ANKRD10: variants seen among roughly 807,000 people sequenced by gnomAD.
ANKRD10 encodes ankyrin repeat domain-containing protein 10.
Under a neutral mutation model 27.0 loss-of-function variants are expected in ANKRD10, and 14 were observed. That is an observed-to-expected ratio of 0.52 (90% CI 0.34 to 0.81). ANKRD10 has a LOEUF of 0.81. Ranked by LOEUF, ANKRD10 falls within the 40% of genes least tolerant of loss-of-function variation. The probability of loss-of-function intolerance (pLI) is 0.01; values close to 1 mark genes in which losing one functional copy is unlikely to be tolerated. For synonymous variants in ANKRD10, 250 were observed against 224.5 expected (o/e 1.11, Z -1.01); for missense variants, 493 against 544.0 (o/e 0.91, Z 0.93).
chr13:110,890,495 C>T (rs2065046123), intron 4 of ANKRD10, among the ~76,000 whole-genome samples: 1 of 152,192 alleles, frequency 6.6e-6, no homozygotes, highest in Non-Finnish European at 1.5e-5. Context: ...AATCTAAGGA[C>T]TGTCAACTAC....
At chr13:110,883,896 AC>A in intron 4 of ANKRD10, 103 bp from the exon 5 acceptor site, 1 of 1,326,272 alleles carries the variant, frequency 7.5e-7, no homozygotes, top group Non-Finnish European at 1.0e-6. Flanking sequence ...AACACTTTAA[AC>A]AATCACATAA....
At position 110,914,886 on chromosome 13, in the gene ANKRD10, C is replaced by T. The variant is rs1424162691; in HGVS notation, c.49G>A (p.Glu17Lys). 18 of 1,542,116 alleles carry T rather than the reference C, an allele frequency of 1.2e-5. No homozygotes were observed. Among genetic ancestry groups the T allele is most frequent in the East Asian group, 2.4e-5 (1 of 40,914 alleles). Residue 17 changes from glutamate to lysine, a missense_variant, in exon 1 of 6, where the codon GAG becomes AAG. By Grantham distance (56) the Glu-to-Lys change is moderately conservative. Coordinates refer to ENST00000267339, the MANE Select transcript of ANKRD10 (RefSeq NM_017664.4). The stretch of plus-strand genomic sequence containing the variant: ...GGGAAACGGAGCGAGAGCAGCTCCT[C>T]GCTGGAGAAGCCCGCCTCTACGCCC... ...GAGVEAGFSS[E>K]ELLSLRFPLH...
At chr13:110,884,246 C>G (rs1404543057) in intron 4 of ANKRD10, among the ~76,000 whole-genome samples, 1 of 152,056 alleles carries the variant, frequency 6.6e-6, no homozygotes, top group Non-Finnish European at 1.5e-5. Flanking sequence ...CTAAGAGACT[C>G]AAGACTAGTC....
At chr13:110,889,449 A>G (rs1371587541) in intron 4 of ANKRD10, among the ~76,000 whole-genome samples, 7 of 152,196 alleles carry the variant, frequency 4.6e-5, no homozygotes, top group Admixed American at 3.9e-4. Flanking sequence ...CGTTCTGACT[A>G]AACTGCATTT....
chr13:110,902,325 T>C (rs1272249123), intron 3 of ANKRD10, among the ~76,000 whole-genome samples: 4 of 151,724 alleles, frequency 2.6e-5, no homozygotes, highest in African/African-American at 9.7e-5. Context: ...CACCTGTATT[T>C]GACCTAATGA....
chr13:110,903,828 G>T (rs2065452172), intron 3 of ANKRD10, among the ~76,000 whole-genome samples: 1 of 151,988 alleles, frequency 6.6e-6, no homozygotes, highest in African/African-American at 2.4e-5. Context: ...CATTCTGAAT[G>T]AAAAAAACTA....
intron 2 of ANKRD10, among the ~76,000 whole-genome samples, chr13:110,909,993 C>T (rs1456080079): frequency 6.6e-6 from 1 of 152,208 alleles, no homozygotes; most frequent in African/African-American, 2.4e-5. Context: ...GTCAGACAAC[C>T]TAATGGTTAT....
chr13:110,890,086 A>C (rs1230907992), intron 4 of ANKRD10, among the ~76,000 whole-genome samples: 3 of 152,218 alleles, frequency 2.0e-5, no homozygotes, highest in South Asian at 2.1e-4. Context: ...CAAAAACCTA[A>C]TAAAATAATT....
chr13:110,903,202 A>T (rs964802824), intron 3 of ANKRD10, among the ~76,000 whole-genome samples: 1 of 152,224 alleles, frequency 6.6e-6, no homozygotes, highest in Non-Finnish European at 1.5e-5. Flanking sequence ...GGAAAAATGG[A>T]ACTACCATAT....
intron 4 of ANKRD10, 109 bp downstream of exon 4, chr13:110,892,904 TCCACCAGGCGCATTA>T: frequency 6.8e-7 from 1 of 1,466,578 alleles, no homozygotes; most frequent in Non-Finnish European, 9.0e-7. Flanking sequence ...CACCGCACAA[TCCACCAGGCGCATTA>T]CCACCTGAAG....
intron 5 of ANKRD10, among the ~76,000 whole-genome samples, chr13:110,881,540 C>T (rs775217861): frequency 2.0e-5 from 3 of 151,896 alleles, no homozygotes; most frequent in Non-Finnish European, 2.9e-5. Flanking sequence ...TTTTTTTCCC[C>T]CAAATTAAAT....
At chr13:110,910,956 C>T (rs1174690282) in intron 1 of ANKRD10, among the ~76,000 whole-genome samples, 186 bp from the exon 2 acceptor site, 1 of 152,082 alleles carries the variant, frequency 6.6e-6, no homozygotes, top group African/African-American at 2.4e-5. Flanking sequence ...ATTCCCTTGT[C>T]CTTATGAAAA....
In ANKRD10 at chr13:110,880,207, T is replaced by G. The variant is rs888455745; in HGVS notation, c.788-95A>C. 23 of 1,097,226 alleles carry G rather than the reference T, an allele frequency of 2.1e-5. No homozygotes were observed. In the South Asian group the frequency reaches 3.3e-4, roughly 16 times the overall value. 68.0% of individuals were successfully genotyped at this position (1,097,226 alleles called of 1,614,324 possible). ...ACTGCCATTACAATTTTAAAGAATT[T>G]TAGTTTCTTTTTTTTCCTTTTAAAC... On this transcript the variant is annotated intron_variant, in intron 5 of 5. Coordinates refer to ENST00000267339, the MANE Select transcript of ANKRD10 (RefSeq NM_017664.4).
At chr13:110,885,962 C>CCAGTACCTAGAATAGTA (rs1425211203) in intron 4 of ANKRD10, among the ~76,000 whole-genome samples, 2 of 152,200 alleles carry the variant, frequency 1.3e-5, no homozygotes, top group African/African-American at 4.8e-5. Flanking sequence ...TTCACTAGGC[C>CCAGTACCTAGAATAGTA]CAGTACCTAG....
chr13:110,893,987 T>G lies in ANKRD10; in HGVS notation c.456-724A>C, dbSNP rs78990410. 3.8e-3 allele frequency: 2,591 copies of G among 679,882 alleles called. 37 individuals are homozygous for G. The African/African-American group carries it at 0.04, about 10-fold the overall frequency. 42.1% of individuals were successfully genotyped at this position (679,882 alleles called of 1,614,324 possible). ...CACAAGAACCAAAGTTTTACCTGGC[T>G]AATAGTACTAAAAAGGAAAGGTCTG... is the stretch of plus-strand genomic sequence containing the variant. On this transcript the variant is annotated intron_variant, in intron 3 of 5. Coordinates refer to ENST00000267339, the MANE Select transcript of ANKRD10 (RefSeq NM_017664.4).
At chr13:110,883,331 C>T (rs1019098497) in intron 5 of ANKRD10, 2 of 212,122 alleles carry the variant, frequency 9.4e-6, no homozygotes, top group East Asian at 3.1e-4. Context: ...ATTAAAAATG[C>T]AAACCTCATT....
chr13:110,905,155 T>C (rs1399895435), intron 3 of ANKRD10: 1 of 152,236 alleles, frequency 6.6e-6, no homozygotes, highest in Non-Finnish European at 1.5e-5. Context: ...TGATATTGGT[T>C]ATTTTGGTTA....
chr13:110,899,499 G>T (rs1452442957), intron 3 of ANKRD10, among the ~76,000 whole-genome samples: 2 of 152,180 alleles, frequency 1.3e-5, no homozygotes, highest in African/African-American at 2.4e-5. Flanking sequence ...AAAATGGGAA[G>T]AGATTTTTAA....
chr13:110,889,657 T>C (rs1360754243), intron 4 of ANKRD10, among the ~76,000 whole-genome samples: 2 of 152,210 alleles, frequency 1.3e-5, no homozygotes, highest in Non-Finnish European at 2.9e-5. Flanking sequence ...CACTACTTTT[T>C]GTGGGGAAGA....
Sources: allele counts gnomAD v4.1 joint callset (sites outside exome capture counted in the v4.1 genomes callset), GRCh38; gene constraint gnomAD v4.1.1; transcripts MANE v1.5; gene names NCBI Gene and HGNC (gene_info 2026-07-23, HGNC 2026-07-21).